FBXL7: variants seen among roughly 807,000 people sequenced by gnomAD.
FBXL7 encodes F-box and leucine rich repeat protein 7.
FBXL7 carries 12 observed loss-of-function variants against 38.3 expected under a neutral mutation model. The ratio of observed to expected loss-of-function variants is 0.31; its 90% CI spans 0.20 to 0.51. The LOEUF (loss-of-function observed/expected upper bound fraction) is 0.51. FBXL7 is among the 20% of genes least tolerant of loss of function. The probability of loss-of-function intolerance (pLI) is 0.98; values close to 1 mark genes in which losing one functional copy is unlikely to be tolerated. For missense variants in FBXL7, 567 were observed against 676.4 expected (o/e 0.84, Z 1.79); for synonymous variants, 297 against 300.9 (o/e 0.99, Z 0.13).
intron 2 of FBXL7, among the ~76,000 whole-genome samples, chr5:15,783,290 G>C (rs1474724151): frequency 1.3e-5 from 2 of 152,166 alleles, no homozygotes; most frequent in Non-Finnish European, 2.9e-5. Context: ...CAAGTGCACT[G>C]GGCAGCTAGG....
At chr5:15,639,771 A>G (rs1438894206) in intron 2 of FBXL7, among the ~76,000 whole-genome samples, 1 of 151,698 alleles carries the variant, frequency 6.6e-6, no homozygotes, top group African/African-American at 2.4e-5. Context: ...CTCAATGAAC[A>G]TTATTCTTAA....
At chr5:15,629,595 C>T (rs756749415) in intron 2 of FBXL7, among the ~76,000 whole-genome samples, 21 of 152,144 alleles carry the variant, frequency 1.4e-4, no homozygotes, top group Non-Finnish European at 2.6e-4. Context: ...CAGTACTAGG[C>T]CACAGCCCAG....
rs530377319 is a variant in FBXL7 at position 15,595,949 on chromosome 5, A to G, written c.38-20034A>G. On this transcript the variant is annotated intron_variant, in intron 1 of 3. Coordinates refer to ENST00000504595, the MANE Select transcript of FBXL7 (RefSeq NM_012304.5). ...GGTCCTATCTCAGCAGGTAGATGGG[A>G]TTTGGTGAAATAACATGAAATAACA... 6.0e-4 allele frequency among the ~76,000 whole-genome samples: 92 copies of G among 152,298 alleles called. 1 individual carries two copies. In the South Asian group the frequency reaches 0.018, roughly 31 times the overall value.
chr5:15,841,010 G>A (rs1450695086), intron 2 of FBXL7, among the ~76,000 whole-genome samples: 6 of 152,048 alleles, frequency 3.9e-5, no homozygotes, highest in Admixed American at 1.3e-4. Context: ...TGGCTTTTGT[G>A]TGTCTTGTAT....
Position 15,936,492 on chromosome 5 carries a change from C to T in FBXL7, c.782C>T (p.Ser261Phe). ...TGCATCAGCTTGACCCGGGAGGCCTCCATTAAACTGTCACCCTTGCATGGC... is the reference window on the plus strand; with the variant it reads ...TGCATCAGCTTGACCCGGGAGGCCTTCATTAAACTGTCACCCTTGCATGGC... ...VTCISLTREA[S>F]IKLSPLHGKQ... Residue 261 changes from serine (S) to phenylalanine (F), a missense_variant, in exon 4 of 4, where the codon TCC becomes TTC. Transcript: ENST00000504595. This position sits in a 1 kb window ranked among gnomAD's most constrained non-coding sequence, Gnocchi z 6.0. 6.2e-7 allele frequency: 1 copy of T among 1,613,414 alleles called. No individual in the cohort carries two copies. Among genetic ancestry groups the T allele is most frequent in the Non-Finnish European group, 8.5e-7 (1 of 1,179,884 alleles).
At chr5:15,648,933 T>C (rs1395032812) in intron 2 of FBXL7, among the ~76,000 whole-genome samples, 1 of 151,854 alleles carries the variant, frequency 6.6e-6, no homozygotes, top group African/African-American at 2.4e-5. Flanking sequence ...GTTCTTACAC[T>C]TTTAGGAAAA....
intron 2 of FBXL7, among the ~76,000 whole-genome samples, chr5:15,807,865 C>T (rs1737758071): frequency 6.6e-6 from 1 of 152,236 alleles, no homozygotes; most frequent in African/African-American, 2.4e-5. Context: ...AAGTAAGTAA[C>T]ACCTGAGTCT....
Position 15,783,469 on chromosome 5 carries a change from A to G in FBXL7, c.128-144421A>G, listed in dbSNP as rs765177123. Among the ~76,000 whole-genome samples, 4 of 152,294 alleles carry G rather than the reference A, an allele frequency of 2.6e-5. No homozygotes were observed. In the South Asian group the frequency reaches 8.3e-4, roughly 32 times the overall value. On this transcript the variant is annotated intron_variant, in intron 2 of 3. Coordinates refer to ENST00000504595, the MANE Select transcript of FBXL7 (RefSeq NM_012304.5). ...AGAGAATGATCATTGTAAGCCACCC[A>G]TGAATGAGATAACCAACATGACAGC...
intron 1 of FBXL7, among the ~76,000 whole-genome samples, chr5:15,605,913 G>C (rs749831558): frequency 7.9e-5 from 12 of 152,190 alleles, no homozygotes; most frequent in Non-Finnish European, 1.2e-4. Context: ...CTTAGGGGAA[G>C]AGACCCTGTC....
rs563276238 is a variant in FBXL7, at chr5:15,791,941, G to A, written c.128-135949G>A. On this transcript the variant is annotated intron_variant, in intron 2 of 3. Transcript: ENST00000504595. ...AAGTGGGTCTGCTGGTGGAACAATC[G>A]CAGAAGCTGATTCCCAAGAGTGTCC... Among the ~76,000 whole-genome samples the A allele has an allele frequency of 1.1e-4, 17 of 152,228 alleles. No homozygotes were observed. The South Asian group carries it at 1.2e-3, about 11-fold the overall frequency.
intron 2 of FBXL7, among the ~76,000 whole-genome samples, chr5:15,855,594 ATT>A (rs1289963047): frequency 6.6e-6 from 1 of 152,176 alleles, no homozygotes; most frequent in African/African-American, 2.4e-5. Flanking sequence ...AATCTGTTAA[ATT>A]TGTGTCACAC....
intron 2 of FBXL7, among the ~76,000 whole-genome samples, chr5:15,715,306 C>T (rs1744010774): frequency 6.6e-6 from 1 of 151,956 alleles, no homozygotes; most frequent in Non-Finnish European, 1.5e-5. Flanking sequence ...TTCTGGCCAA[C>T]ATGGTGAAAC....
At chr5:15,642,888 G>A (rs1309053518) in intron 2 of FBXL7, among the ~76,000 whole-genome samples, 2 of 152,096 alleles carry the variant, frequency 1.3e-5, no homozygotes, top group African/African-American at 2.4e-5. Context: ...ATGAACTGTT[G>A]GATCTCTCTT....
At chr5:15,822,743 C>G (rs1738206293) in intron 2 of FBXL7, among the ~76,000 whole-genome samples, 2 of 150,996 alleles carry the variant, frequency 1.3e-5, no homozygotes, top group African/African-American at 4.9e-5. Flanking sequence ...TGCGTTAGCT[C>G]ATATCTCAAA....
At chr5:15,760,106 T>A (rs1209167066) in intron 2 of FBXL7, among the ~76,000 whole-genome samples, 1 of 152,082 alleles carries the variant, frequency 6.6e-6, no homozygotes, top group Admixed American at 6.6e-5. Flanking sequence ...AAAAAATGAA[T>A]GTCCAGAAAG....
At chr5:15,843,991 A>G (rs1445526336) in intron 2 of FBXL7, among the ~76,000 whole-genome samples, 1 of 152,030 alleles carries the variant, frequency 6.6e-6, no homozygotes, top group East Asian at 1.9e-4. Context: ...ACATCTCTAG[A>G]GAAGTGCCTT....
At chr5:15,728,642 A>T (rs1022168449) in intron 2 of FBXL7, among the ~76,000 whole-genome samples, 4 of 152,126 alleles carry the variant, frequency 2.6e-5, no homozygotes, top group Non-Finnish European at 5.9e-5. Context: ...TTCTTGCCTA[A>T]ACTACTAAAA....
rs543266379 is a variant in FBXL7 at position 15,939,063 on chromosome 5, G to A, written c.*1877G>A. 33 of 399,026 alleles carry A rather than the reference G, an allele frequency of 8.3e-5. No individual in the cohort carries two copies. Among genetic ancestry groups the A allele is most frequent in the Non-Finnish European group, 1.0e-4 (23 of 226,056 alleles). 24.7% of individuals were successfully genotyped at this position (399,026 alleles called of 1,614,324 possible). On this transcript the variant is annotated 3_prime_UTR_variant, in exon 4 of 4. Coordinates refer to ENST00000504595, the MANE Select transcript of FBXL7 (RefSeq NM_012304.5). ...ACTGTAGGCTCCTGTGCATACTGTCGTCTTCTGTGGGGGATGGAGAGGTTA... is the reference window on the plus strand; with the variant it reads ...ACTGTAGGCTCCTGTGCATACTGTCATCTTCTGTGGGGGATGGAGAGGTTA...
chr5:15,742,577 ATGAACAGGT>A, intron 2 of FBXL7, among the ~76,000 whole-genome samples: 1 of 152,340 alleles, frequency 6.6e-6, no homozygotes, highest in Admixed American at 6.5e-5. Flanking sequence ...ACCTATGCTG[ATGAACAGGT>A]AGGACTACAT....
Sources: allele counts gnomAD v4.1 joint callset (sites outside exome capture counted in the v4.1 genomes callset), GRCh38; gene constraint gnomAD v4.1.1; non-coding constraint Gnocchi (gnomAD v3.1); transcripts MANE v1.5; gene names NCBI Gene and HGNC (gene_info 2026-07-23, HGNC 2026-07-21).